The following ACAP2 variants were observed in gnomAD, a reference collection of about 807,000 sequenced individuals.
The protein encoded by ACAP2 is ArfGAP with coiled-coil, ankyrin repeat and PH domains 2.
ACAP2 carries 39 observed loss-of-function variants against 115.8 expected under a neutral mutation model. The ratio of observed to expected loss-of-function variants is 0.34; its 90% CI spans 0.26 to 0.44. The LOEUF is 0.44. Ranked by LOEUF, ACAP2 falls within the 20% of genes least tolerant of loss-of-function variation. The pLI, the probability that ACAP2 is intolerant of heterozygous loss-of-function variation, is 1.00. For missense variants in ACAP2, 662 were observed against 927.6 expected (o/e 0.71, Z 3.72); for synonymous variants, 289 against 315.8 (o/e 0.92, Z 0.90).
chr3:195,407,536 A>G (rs1339855223), intron 1 of ACAP2, among the ~76,000 whole-genome samples: 1 of 151,962 alleles, frequency 6.6e-6, no homozygotes, highest in East Asian at 1.9e-4. Context: ...ACAGAACCCA[A>G]TCTCTACAAA....
chr3:195,397,196 T>A (rs1233570275), intron 1 of ACAP2, among the ~76,000 whole-genome samples: 2 of 152,174 alleles, frequency 1.3e-5, no homozygotes, highest in Non-Finnish European at 2.9e-5. Flanking sequence ...GTTTAGAGAC[T>A]CAGGAGAGGT....
chr3:195,425,004 G>C (rs1393438993), intron 1 of ACAP2, among the ~76,000 whole-genome samples: 1 of 126,128 alleles, frequency 7.9e-6, no homozygotes, highest in Non-Finnish European at 1.6e-5. Flanking sequence ...TCCAGCCTGG[G>C]CGACAGAGCG....
At chr3:195,392,711 G>A (rs1204891926) in intron 1 of ACAP2, among the ~76,000 whole-genome samples, 1 of 152,056 alleles carries the variant, frequency 6.6e-6, no homozygotes, top group African/African-American at 2.4e-5. Flanking sequence ...AACTAAATAA[G>A]CCAAATATTG....
chr3:195,365,364 A>G (rs966741062), intron 4 of ACAP2, among the ~76,000 whole-genome samples: 1 of 152,212 alleles, frequency 6.6e-6, no homozygotes, highest in South Asian at 2.1e-4. Context: ...AAAATATCCC[A>G]TATCACATAT....
chr3:195,428,343 TATATACAC>T (rs1157932362), intron 1 of ACAP2, among the ~76,000 whole-genome samples: 2 of 133,014 alleles, frequency 1.5e-5, no homozygotes, highest in African/African-American at 5.6e-5. Context: ...TGTGTATATA[TATATACAC>T]ACACACACAC....
intron 1 of ACAP2, among the ~76,000 whole-genome samples, chr3:195,404,662 C>T (rs1006912079): frequency 8.0e-5 from 12 of 149,738 alleles, no homozygotes; most frequent in East Asian, 1.9e-4. Context: ...GCCATATATA[C>T]ACACACACAC....
chr3:195,378,927 T>C (rs752943519), intron 4 of ACAP2, among the ~76,000 whole-genome samples: 4 of 151,494 alleles, frequency 2.6e-5, no homozygotes, highest in Non-Finnish European at 5.9e-5. Context: ...TTTAAAACCA[T>C]AAGAGCAAGG....
At chr3:195,320,961 T>C in intron 9 of ACAP2, 148 bp from the exon 10 acceptor site, 1 of 535,300 alleles carries the variant, frequency 1.9e-6, no homozygotes, top group Non-Finnish European at 3.4e-6. Flanking sequence ...AAGGGGGACT[T>C]AAATGATCAA....
intron 10 of ACAP2, among the ~76,000 whole-genome samples, chr3:195,309,325 T>A (rs959519770): frequency 6.6e-6 from 1 of 152,174 alleles, no homozygotes; most frequent in African/African-American, 2.4e-5. Context: ...GTGGATCACC[T>A]GAGGTCGTCA....
At chr3:195,380,597 A>G (rs746337892) in intron 4 of ACAP2, among the ~76,000 whole-genome samples, 1 of 152,208 alleles carries the variant, frequency 6.6e-6, no homozygotes, top group Non-Finnish European at 1.5e-5. Context: ...ACTCTTTAAT[A>G]TTGGTAATTG....
intron 6 of ACAP2, 111 bp downstream of exon 6, chr3:195,342,360 A>C: frequency 9.2e-7 from 1 of 1,082,140 alleles, no homozygotes; most frequent in Non-Finnish European, 1.3e-6. Flanking sequence ...ATTATGTTTT[A>C]ACTTTAAGTT....
At chr3:195,285,323 G>A (rs1365702537) in intron 22 of ACAP2, 1 of 151,448 alleles carries the variant, frequency 6.6e-6, no homozygotes, top group Admixed American at 6.6e-5. Flanking sequence ...CCAGACACAT[G>A]GTGATTTTTT....
intron 4 of ACAP2, among the ~76,000 whole-genome samples, chr3:195,354,541 ATAATT>A (rs1230756334): frequency 2.0e-5 from 3 of 152,082 alleles, no homozygotes; most frequent in Admixed American, 6.6e-5. Flanking sequence ...GTTTTTCTTT[ATAATT>A]TAAGTTCCTT....
At chr3:195,373,394 T>C (rs543252248) in intron 4 of ACAP2, among the ~76,000 whole-genome samples, 27 of 148,202 alleles carry the variant, frequency 1.8e-4, no homozygotes, top group African/African-American at 5.9e-4. Flanking sequence ...ACATTTAGTA[T>C]CATCAAAGAA....
chr3:195,336,695 G>T, intron 7 of ACAP2: 1 of 486,892 alleles, frequency 2.1e-6, no homozygotes. Context: ...AAACATAACA[G>T]TATAGAGTCT....
intron 18 of ACAP2, among the ~76,000 whole-genome samples, 197 bp from the exon 19 acceptor site, chr3:195,292,649 C>T (rs1237447893): frequency 2.0e-5 from 3 of 152,116 alleles, no homozygotes; most frequent in Non-Finnish European, 2.9e-5. Flanking sequence ...GGGCCAGGCA[C>T]GGTGGCTCAC....
chr3:195,412,504 C>T (rs1044703422), intron 1 of ACAP2, among the ~76,000 whole-genome samples: 9 of 151,884 alleles, frequency 5.9e-5, no homozygotes, highest in African/African-American at 1.9e-4. Context: ...CCCAGCTACT[C>T]AGGAGGCTGA....
intron 1 of ACAP2, among the ~76,000 whole-genome samples, chr3:195,396,809 A>AT (rs1471965787): frequency 6.6e-6 from 1 of 150,698 alleles, no homozygotes; most frequent in Non-Finnish European, 1.5e-5. Context: ...AAAAAAAAAA[A>AT]AAAAAGAAGA....
intron 15 of ACAP2, among the ~76,000 whole-genome samples, chr3:195,299,993 A>G (rs567375721): frequency 3.3e-5 from 5 of 152,304 alleles, no homozygotes; most frequent in East Asian, 1.9e-4. Context: ...TCTATTTTAA[A>G]AAGAATGGGA....
Sources: allele counts gnomAD v4.1 joint callset (sites outside exome capture counted in the v4.1 genomes callset), GRCh38; gene constraint gnomAD v4.1.1; transcripts MANE v1.5; gene names NCBI Gene and HGNC (gene_info 2026-07-23, HGNC 2026-07-21).